TFIP11: variants seen among roughly 807,000 people sequenced by gnomAD.
The protein encoded by TFIP11 is tuftelin-interacting protein 11.
TFIP11 carries 86 observed loss-of-function variants against 96.8 expected under a neutral mutation model. The ratio of observed to expected loss-of-function variants is 0.89; its 90% CI spans 0.75 to 1.06. The LOEUF (loss-of-function observed/expected upper bound fraction) is 1.06, where lower values mean the gene tolerates loss of function less well. TFIP11 is among the 50% of genes least tolerant of loss of function. The pLI is 0.00. For missense variants in TFIP11, 881 were observed against 1,076.7 expected, an observed-to-expected ratio of 0.82 and a Z score of 2.54; for synonymous variants, 405 against 395.2, an observed-to-expected ratio of 1.02 and a Z score of -0.29.
chr22:26,502,010 C>T lies in TFIP11; in HGVS notation c.691G>A (p.Gly231Arg). The T allele has an allele frequency of 6.2e-7, 1 of 1,613,902 alleles. No individual in the cohort carries two copies. The highest frequency in any genetic ancestry group is 8.5e-7 in the Non-Finnish European group (1 of 1,180,006). The change falls in exon 8 of 15, where the codon GGA (glycine) becomes AGA (arginine). Residue 231 changes from glycine to arginine, a missense_variant. Coordinates refer to ENST00000407690, the MANE Select transcript of TFIP11 (RefSeq NM_012143.4). The stretch of plus-strand genomic sequence containing the variant: ...GAGTATTTGGGCTTCTTCTTGCTTC[C>T]ACTTGGGTCTTTCCTCCACTGGCTC... ...ELSQWRKDPS[G>R]SKKKPKYSYK...
chr22:26,494,185 AAATTT>A lies in TFIP11; in HGVS notation c.2107_2111del (p.Lys703Ter), dbSNP rs775514243. The A allele has an allele frequency of 1.2e-6, 2 of 1,614,230 alleles. No homozygotes were observed. Among genetic ancestry groups the A allele is most frequent in the Non-Finnish European group, 1.7e-6 (2 of 1,180,036 alleles). ...GGTTCATGATATCAAGTGCCTCATT[AAATTT>A]GTCCTTGACAGATGGATGTGCCAGC... On this transcript the variant is annotated frameshift_variant, in exon 14 of 15. Coordinates refer to ENST00000407690, the MANE Select transcript of TFIP11 (RefSeq NM_012143.4). LOFTEE classifies it high-confidence loss of function.
intron 13 of TFIP11, 27 bp from the exon 14 acceptor site, chr22:26,494,331 C>G: frequency 6.2e-7 from 1 of 1,614,072 alleles, no homozygotes; most frequent in Non-Finnish European, 8.5e-7. Flanking sequence ...TTACTTGCAT[C>G]CATCGTGGCA....
At chr22:26,497,354 C>G (rs989185965) in intron 10 of TFIP11, among the ~76,000 whole-genome samples, 3 of 152,226 alleles carry the variant, frequency 2.0e-5, no homozygotes, top group African/African-American at 7.2e-5. Flanking sequence ...TACTTCCCAT[C>G]TGCTTTTTTT....
chr22:26,502,380 A>G (rs548212805), intron 7 of TFIP11, among the ~76,000 whole-genome samples: 1 of 152,356 alleles, frequency 6.6e-6, no homozygotes, highest in Non-Finnish European at 1.5e-5. Context: ...ACCTCATGTA[A>G]AACTTAGAAA....
In TFIP11 at chr22:26,491,334, TCAAAATACCC is replaced by T; in HGVS notation, c.*669_*678del. On this transcript the variant is annotated 3_prime_UTR_variant, in exon 15 of 15. Transcript: ENST00000407690. The stretch of plus-strand genomic sequence containing the variant: ...AATTCATTGTGCAAAAGCATTTAAA[TCAAAATACCC>T]TATTTGTTATTTTTTTAAAAAGTAA... 3.6e-6 allele frequency: 3 copies of T among 824,828 alleles called. No homozygotes were observed. Among genetic ancestry groups the T allele is most frequent in the South Asian group, 1.8e-5 (1 of 57,026 alleles). 51.1% of individuals were successfully genotyped at this position (824,828 alleles called of 1,614,324 possible).
At chr22:26,511,526 G>A (rs530504366) in intron 2 of TFIP11, among the ~76,000 whole-genome samples, 11 of 152,290 alleles carry the variant, frequency 7.2e-5, no homozygotes, top group Non-Finnish European at 1.5e-4. Flanking sequence ...ACTTAGCAAA[G>A]TGACTGTAAA....
At chr22:26,503,830 G>C (rs759256366) in intron 6 of TFIP11, 37 bp from the exon 7 acceptor site, 1 of 1,607,000 alleles carries the variant, frequency 6.2e-7, no homozygotes, top group Admixed American at 1.7e-5. Context: ...AGAGTCTTAC[G>C]ATCACAGCAA....
Position 26,491,570 on chromosome 22 carries a change from C to G in TFIP11, c.*443G>C. Reference sequence around the variant, plus strand: ...TCCCTGTGCAAAAGCTAGAACAGCTCTCCATAGATATTTGGGAGTTTCGGG... The same window carrying G: ...TCCCTGTGCAAAAGCTAGAACAGCTGTCCATAGATATTTGGGAGTTTCGGG... On this transcript the variant is annotated 3_prime_UTR_variant, in exon 15 of 15. Transcript: ENST00000407690. 1 of 1,614,096 alleles carries G rather than the reference C, an allele frequency of 6.2e-7. No homozygotes were observed. Among genetic ancestry groups the G allele is most frequent in the African/African-American group, 1.3e-5 (1 of 75,052 alleles).
chr22:26,501,807 AGC>A, intron 8 of TFIP11, 91 bp downstream of exon 8: 3 of 538,674 alleles, frequency 5.6e-6, no homozygotes, highest in South Asian at 3.7e-5. Context: ...AAAAAAAAAA[AGC>A]CTAGCTAAAA....
intron 4 of TFIP11, among the ~76,000 whole-genome samples, chr22:26,507,514 T>G (rs1923562937): frequency 6.6e-6 from 1 of 151,498 alleles, no homozygotes; most frequent in African/African-American, 2.4e-5. Context: ...CCTGTGGTCC[T>G]AACTACATGG....
At chr22:26,504,320 G>A (rs770368553) in intron 6 of TFIP11, among the ~76,000 whole-genome samples, 4 of 152,080 alleles carry the variant, frequency 2.6e-5, no homozygotes, top group South Asian at 4.1e-4. Context: ...AAGAGTTTAC[G>A]AATAGGACCA....
intron 4 of TFIP11, among the ~76,000 whole-genome samples, chr22:26,509,238 G>C (rs1278908242): frequency 6.6e-6 from 1 of 152,016 alleles, no homozygotes; most frequent in Non-Finnish European, 1.5e-5. Flanking sequence ...TATCCTTGTG[G>C]ATACCGTGAT....
intron 12 of TFIP11, among the ~76,000 whole-genome samples, chr22:26,495,770 A>G (rs1403866084): frequency 1.3e-5 from 2 of 151,946 alleles, no homozygotes; most frequent in African/African-American, 2.4e-5. Context: ...TACCACAAAA[A>G]TTTTAGAACT....
intron 6 of TFIP11, among the ~76,000 whole-genome samples, chr22:26,505,674 T>C (rs1308227152): frequency 1.3e-5 from 2 of 150,738 alleles, no homozygotes; most frequent in African/African-American, 2.4e-5. Flanking sequence ...TAGCAACTAA[T>C]TCATTTTTGT....
At chr22:26,493,554 C>A (rs886972803) in intron 14 of TFIP11, 9 of 153,226 alleles carry the variant, frequency 5.9e-5, no homozygotes, top group African/African-American at 2.2e-4. Flanking sequence ...TATACTCTCA[C>A]TTACTTATGA....
chr22:26,506,191 G>T, intron 6 of TFIP11, 112 bp downstream of exon 6: 1 of 1,215,652 alleles, frequency 8.2e-7, no homozygotes, highest in Non-Finnish European at 1.1e-6. Context: ...GGCAAACCAG[G>T]CTGGAGAGAT....
At position 26,491,868 on chromosome 22, in the gene TFIP11, A is replaced by T; in HGVS notation, c.*145T>A. 1.0e-6 allele frequency: 1 copy of T among 988,682 alleles called. No homozygotes were observed. Among genetic ancestry groups the T allele is most frequent in the Non-Finnish European group, 1.5e-6 (1 of 682,884 alleles). The allele number at this position is 988,682 out of a possible 1,614,324, so 61.2% of individuals were successfully genotyped here. A position where few individuals can be genotyped will look rare whatever the true frequency, so the allele number is the denominator to read the frequency against. On this transcript the variant is annotated 3_prime_UTR_variant, in exon 15 of 15. Transcript: ENST00000407690. ...GCCCTACGTGGCATTGTCCCATTTT[A>T]CATCCTTCCCTCATGACCTGGCCTG...
chr22:26,508,881 A>G (rs545030069), intron 4 of TFIP11, among the ~76,000 whole-genome samples: 6 of 152,120 alleles, frequency 3.9e-5, no homozygotes, highest in African/African-American at 1.2e-4. Flanking sequence ...GCACACTCTC[A>G]ATAGGATAGA....
intron 6 of TFIP11, among the ~76,000 whole-genome samples, 168 bp from the exon 7 acceptor site, chr22:26,503,961 G>A (rs1235254110): frequency 6.6e-6 from 1 of 152,116 alleles, no homozygotes; most frequent in Non-Finnish European, 1.5e-5. Flanking sequence ...TGTCCCTTGT[G>A]ATTTGAAACT....
Sources: allele counts gnomAD v4.1 joint callset (sites outside exome capture counted in the v4.1 genomes callset), GRCh38; gene constraint gnomAD v4.1.1; transcripts MANE v1.5; gene names NCBI Gene and HGNC (gene_info 2026-07-23, HGNC 2026-07-21).